AGBL4: variants seen among roughly 807,000 people sequenced by gnomAD.
The protein encoded by AGBL4 is AGBL carboxypeptidase 4, also known as cytosolic carboxypeptidase 6.
A neutral mutation model predicts 66.4 loss-of-function variants in AGBL4; 58 were observed. The observed-to-expected ratio is 0.87, with a 90% CI of 0.71 to 1.09. The LOEUF is 1.09. Ranked by LOEUF, AGBL4 falls within the 50% of genes least tolerant of loss-of-function variation. AGBL4 has a pLI of 0.00. For missense variants in AGBL4, 579 were observed against 631.0 expected, an observed-to-expected ratio of 0.92 and a Z score of 0.88; for synonymous variants, 234 against 222.9, an observed-to-expected ratio of 1.05 and a Z score of -0.44.
In AGBL4 at chr1:48,579,139, C is replaced by G. The variant is rs72679374; in HGVS notation, c.1267+7865G>C. 1.6e-3 allele frequency among the ~76,000 whole-genome samples: 246 copies of G among 152,288 alleles called. 2 individuals carry two copies. Among genetic ancestry groups the G allele is most frequent in the Non-Finnish European group, 2.0e-3 (134 of 68,036 alleles). On this transcript the variant is annotated intron_variant, in intron 11 of 13. Coordinates refer to ENST00000371839, the MANE Select transcript of AGBL4 (RefSeq NM_032785.4). ...TACTCAATATATTACATACAGAGCT[C>G]AAAATATCCCCCTCTCCAACCCTTT...
intron 3 of AGBL4, among the ~76,000 whole-genome samples, chr1:49,511,813 A>G (rs1318387022): frequency 4.6e-5 from 7 of 151,922 alleles, no homozygotes; most frequent in Non-Finnish European, 7.4e-5. Context: ...AACATTGTAC[A>G]TGGACAGTTG....
intron 5 of AGBL4, among the ~76,000 whole-genome samples, chr1:48,969,274 C>T (rs1390122101): frequency 7.2e-5 from 11 of 152,126 alleles, no homozygotes; most frequent in Admixed American, 7.2e-4. Flanking sequence ...ACATGGCCAG[C>T]TCTCTGGGCC....
chr1:48,579,392 T>C (rs1644702123), intron 11 of AGBL4, among the ~76,000 whole-genome samples: 1 of 151,336 alleles, frequency 6.6e-6, no homozygotes. Context: ...CAAGTTTGGC[T>C]ATTTTGTTGT....
At chr1:49,126,007 G>T (rs947422467) in intron 4 of AGBL4, among the ~76,000 whole-genome samples, 1 of 152,116 alleles carries the variant, frequency 6.6e-6, no homozygotes, top group Non-Finnish European at 1.5e-5. Context: ...AACTGATATT[G>T]AACAGTGCTA....
intron 4 of AGBL4, among the ~76,000 whole-genome samples, chr1:49,176,548 CAA>C (rs1646835227): frequency 1.3e-5 from 2 of 152,124 alleles, no homozygotes; most frequent in Non-Finnish European, 2.9e-5. Flanking sequence ...CTTGCTCATA[CAA>C]ACGATGGAAG....
At chr1:49,219,818 C>A (rs902237249) in intron 4 of AGBL4, among the ~76,000 whole-genome samples, 5 of 152,130 alleles carry the variant, frequency 3.3e-5, no homozygotes, top group Admixed American at 6.6e-5. Flanking sequence ...TAGTGCTAAG[C>A]AAGACATTTG....
At chr1:48,818,012 C>A in intron 6 of AGBL4, 2 of 711,584 alleles carry the variant, frequency 2.8e-6, no homozygotes, top group Non-Finnish European at 5.2e-6. Context: ...GCAGTCTTAC[C>A]GGAAACATTC....
intron 8 of AGBL4, among the ~76,000 whole-genome samples, chr1:48,635,348 G>T (rs1161742725): frequency 6.6e-6 from 1 of 152,204 alleles, no homozygotes; most frequent in Non-Finnish European, 1.5e-5. Flanking sequence ...AATGCCCCTG[G>T]AGGGACTGGG....
At chr1:49,049,457 G>A (rs1349312449) in intron 4 of AGBL4, among the ~76,000 whole-genome samples, 1 of 151,906 alleles carries the variant, frequency 6.6e-6, no homozygotes, top group African/African-American at 2.4e-5. Context: ...AACAATAAAA[G>A]TAAATGGATA....
At chr1:49,815,392 T>C (rs4926543) in intron 2 of AGBL4, among the ~76,000 whole-genome samples, 103,864 of 152,052 alleles carry the variant, frequency 0.68, 36,193 homozygotes, top group African/African-American at 0.77. Context: ...TGTATACATG[T>C]CACATTTTCT....
rs149236412 is a variant in AGBL4 at position 49,172,953 on chromosome 1, T to C, written c.377+72817A>G. On this transcript the variant is annotated intron_variant, in intron 4 of 13. Coordinates refer to ENST00000371839, the MANE Select transcript of AGBL4 (RefSeq NM_032785.4). Reference sequence around the variant, plus strand: ...CCAGCCTGACCAAAAATCCAATTTCTACTAAAAATACAAAAGTTAGCCAGG... The same window carrying C: ...CCAGCCTGACCAAAAATCCAATTTCCACTAAAAATACAAAAGTTAGCCAGG... Among the ~76,000 whole-genome samples, 712 of 152,182 alleles carry C rather than the reference T, an allele frequency of 4.7e-3. 8 individuals are homozygous for C. The highest frequency in any genetic ancestry group is 6.5e-3 in the Non-Finnish European group (441 of 67,998).
intron 2 of AGBL4, chr1:49,844,943 G>T: frequency 7.4e-7 from 1 of 1,355,848 alleles, no homozygotes; most frequent in Non-Finnish European, 1.1e-6. Context: ...GAAAACAGAA[G>T]TCTGAACCCT....
At chr1:48,998,860 C>G (rs538985023) in intron 5 of AGBL4, among the ~76,000 whole-genome samples, 1 of 152,174 alleles carries the variant, frequency 6.6e-6, no homozygotes, top group African/African-American at 2.4e-5. Flanking sequence ...CTTGAGAAGA[C>G]AGCTGAAGGA....
chr1:49,983,381 C>A (rs1187957886), intron 1 of AGBL4, among the ~76,000 whole-genome samples: 1 of 152,258 alleles, frequency 6.6e-6, no homozygotes, highest in South Asian at 2.1e-4. Context: ...AGAGCCAGCA[C>A]CTTGTGCTGC....
rs1571764933 is a variant in AGBL4, at chr1:49,874,124, T to C, written c.35-22606A>G. ...GTAATTTAACCTGAAAATAATGTTT[T>C]TACTACAAATAATGCTAGAAAAACT... On this transcript the variant is annotated intron_variant, in intron 1 of 13. Transcript: ENST00000371839. 2.0e-5 allele frequency among the ~76,000 whole-genome samples: 3 copies of C among 152,204 alleles called. No homozygotes were observed. In the East Asian group the frequency reaches 5.8e-4, roughly 29 times the overall value.
At chr1:49,845,381 A>G (rs1571700094) in intron 2 of AGBL4, 12 of 1,389,136 alleles carry the variant, frequency 8.6e-6, no homozygotes, top group Non-Finnish European at 1.1e-5. Flanking sequence ...TTTAGCCAAC[A>G]CAAGTGAACT....
At chr1:49,377,761 C>T (rs575031580) in intron 3 of AGBL4, among the ~76,000 whole-genome samples, 29 of 152,126 alleles carry the variant, frequency 1.9e-4, no homozygotes, top group Non-Finnish European at 3.4e-4. Context: ...GCATGAATTT[C>T]GTTACTGGTG....
chr1:49,965,058 C>T (rs1657441916), intron 1 of AGBL4, among the ~76,000 whole-genome samples: 1 of 152,126 alleles, frequency 6.6e-6, no homozygotes, highest in African/African-American at 2.4e-5. Context: ...CATATTGTAT[C>T]CATGATTGGG....
chr1:49,632,984 G>T (rs1645600719), intron 3 of AGBL4, among the ~76,000 whole-genome samples: 1 of 151,430 alleles, frequency 6.6e-6, no homozygotes, highest in African/African-American at 2.4e-5. Context: ...TGAGGCAGGA[G>T]AATTGCTTGA....
Sources: allele counts gnomAD v4.1 joint callset (sites outside exome capture counted in the v4.1 genomes callset), GRCh38; gene constraint gnomAD v4.1.1; transcripts MANE v1.5; gene names NCBI Gene and HGNC (gene_info 2026-07-23, HGNC 2026-07-21).